TRAPPC9: variants seen among roughly 807,000 people sequenced by gnomAD.
TRAPPC9 encodes trafficking protein particle complex subunit 9.
Under a neutral mutation model 124.0 loss-of-function variants are expected in TRAPPC9, and 83 were observed. That is an observed-to-expected ratio of 0.67 (90% CI 0.56 to 0.80). The LOEUF (loss-of-function observed/expected upper bound fraction) is 0.80. TRAPPC9 is among the 30% of genes least tolerant of loss of function. The pLI is 0.00. For synonymous variants in TRAPPC9, 638 were observed against 617.5 expected (o/e 1.03, Z -0.49); for missense variants, 1,302 against 1,508.3 (o/e 0.86, Z 2.27).
intron 20 of TRAPPC9, among the ~76,000 whole-genome samples, chr8:139,909,250 G>C (rs571108100): frequency 3.3e-4 from 50 of 152,282 alleles, no homozygotes; most frequent in African/African-American, 1.1e-3. Flanking sequence ...CCGGAGATGG[G>C]CTCTCATGCC....
intron 17 of TRAPPC9, among the ~76,000 whole-genome samples, chr8:140,078,159 T>C (rs1843617461): frequency 6.6e-6 from 1 of 152,222 alleles, no homozygotes; most frequent in African/African-American, 2.4e-5. Flanking sequence ...AAACCATCTC[T>C]TCATGCTTTT....
At chr8:139,999,293 C>T (rs572838938) in intron 18 of TRAPPC9, among the ~76,000 whole-genome samples, 95 of 151,914 alleles carry the variant, frequency 6.3e-4, no homozygotes, top group Non-Finnish European at 9.3e-4. Flanking sequence ...CAAGAAAACA[C>T]GATTCAAAAG....
In TRAPPC9 at chr8:140,441,856, T is replaced by A. The variant is rs553603252; in HGVS notation, c.585-2659A>T. ...CTAGATTTATAGGAGTCAGCCACTGTGCCCAGCCTACAAAAAAAATTGTTT... is the reference window on the plus strand; with the variant it reads ...CTAGATTTATAGGAGTCAGCCACTGAGCCCAGCCTACAAAAAAAATTGTTT... On this transcript the variant is annotated intron_variant, in intron 2 of 22. Coordinates refer to ENST00000438773, the MANE Select transcript of TRAPPC9 (RefSeq NM_001160372.4). Among the ~76,000 whole-genome samples the A allele has an allele frequency of 4.6e-4, 70 of 152,310 alleles. 2 individuals carry two copies. Among genetic ancestry groups the A allele is most frequent in the South Asian group, 1.9e-3 (9 of 4,824 alleles).
At chr8:139,874,649 G>A (rs1158929944) in intron 21 of TRAPPC9, among the ~76,000 whole-genome samples, 1 of 152,222 alleles carries the variant, frequency 6.6e-6, no homozygotes, top group African/African-American at 2.4e-5. Context: ...CTGCAGCTGA[G>A]GAAGCCTGGA....
At chr8:140,259,017 C>T (rs554803417) in intron 15 of TRAPPC9, among the ~76,000 whole-genome samples, 13 of 152,360 alleles carry the variant, frequency 8.5e-5, no homozygotes, top group African/African-American at 2.6e-4. Context: ...CCTGTGGCAG[C>T]TCAGCCCACC....
intron 10 of TRAPPC9, 92 bp from the exon 11 acceptor site, chr8:140,300,706 G>C (rs1337978104): frequency 1.1e-4 from 172 of 1,505,638 alleles, no homozygotes; most frequent in Middle Eastern, 1.7e-4. Context: ...CAGAAAAACA[G>C]TAAATCAGTC....
chr8:140,194,189 C>T (rs529822980), intron 17 of TRAPPC9, among the ~76,000 whole-genome samples: 33 of 152,232 alleles, frequency 2.2e-4, no homozygotes, highest in Non-Finnish European at 2.9e-4. Flanking sequence ...ATCTTTTCCG[C>T]CTCTACATTC....
intron 16 of TRAPPC9, among the ~76,000 whole-genome samples, chr8:140,244,548 C>T (rs1247355175): frequency 6.6e-6 from 1 of 152,146 alleles, no homozygotes; most frequent in Non-Finnish European, 1.5e-5. Flanking sequence ...CGTCAAGAAA[C>T]GGCAACCCAA....
chr8:140,129,355 C>T (rs2061161475), intron 17 of TRAPPC9, among the ~76,000 whole-genome samples: 1 of 152,040 alleles, frequency 6.6e-6, no homozygotes. Flanking sequence ...AGTGGACATC[C>T]GTGTGTGAGA....
Position 140,004,835 on chromosome 8 carries a change from GT to G in TRAPPC9, c.2700-16000del, listed in dbSNP as rs555918055. On this transcript the variant is annotated intron_variant, in intron 18 of 22. Coordinates refer to ENST00000438773, the MANE Select transcript of TRAPPC9 (RefSeq NM_001160372.4). ...GGCCTCCCAGGGTCTAGACACCAAT[GT>G]TTGCTCATTCCCAGGAGTGTACTAA... 2.2e-4 allele frequency among the ~76,000 whole-genome samples: 33 copies of G among 152,304 alleles called. No individual in the cohort carries two copies. The South Asian group carries it at 4.6e-3, about 21-fold the overall frequency.
intron 17 of TRAPPC9, among the ~76,000 whole-genome samples, chr8:140,026,350 CG>C (rs1840148825): frequency 6.6e-6 from 1 of 152,090 alleles, no homozygotes; most frequent in Non-Finnish European, 1.5e-5. Context: ...GGTATATGCC[CG>C]GAAGTGGAAT....
intron 17 of TRAPPC9, among the ~76,000 whole-genome samples, chr8:140,191,494 G>T (rs941721188): frequency 6.6e-6 from 1 of 152,144 alleles, no homozygotes; most frequent in Non-Finnish European, 1.5e-5. Flanking sequence ...GTGAGTTCAC[G>T]TGAGATCTAG....
intron 21 of TRAPPC9, among the ~76,000 whole-genome samples, chr8:139,736,759 C>G (rs535487613): frequency 1.3e-5 from 2 of 152,208 alleles, no homozygotes; most frequent in Non-Finnish European, 2.9e-5. Context: ...GGGTAGGATT[C>G]GTGACCCCGT....
In TRAPPC9 at chr8:140,328,891, G is replaced by A. The variant is rs568533950; in HGVS notation, c.1496-17517C>T. Among the ~76,000 whole-genome samples, 6 of 152,258 alleles carry A rather than the reference G, an allele frequency of 3.9e-5. No individual in the cohort carries two copies. In the South Asian group the frequency reaches 1.0e-3, roughly 26 times the overall value. On this transcript the variant is annotated intron_variant, in intron 9 of 22. Coordinates refer to ENST00000438773, the MANE Select transcript of TRAPPC9 (RefSeq NM_001160372.4). ...GAGGTAGAGACAAGACTGGCACTGA[G>A]GGTGACGGCTTTGGGGACCGGGTGG...
intron 17 of TRAPPC9, among the ~76,000 whole-genome samples, chr8:140,184,674 C>T (rs2062311458): frequency 6.6e-6 from 1 of 152,190 alleles, no homozygotes; most frequent in Admixed American, 6.5e-5. Context: ...GCCTCGACCT[C>T]CTGACCTCAG....
intron 2 of TRAPPC9, among the ~76,000 whole-genome samples, chr8:140,443,865 C>T (rs1244100515): frequency 6.6e-6 from 1 of 150,912 alleles, no homozygotes; most frequent in Non-Finnish European, 1.5e-5. Flanking sequence ...GGTGAAACCC[C>T]ATCTCTACTA....
intron 21 of TRAPPC9, among the ~76,000 whole-genome samples, chr8:139,837,549 C>T (rs1826440400): frequency 6.6e-6 from 1 of 152,208 alleles, no homozygotes; most frequent in African/African-American, 2.4e-5. Context: ...GCCTTGCCTG[C>T]ACTGCCTCGG....
intron 21 of TRAPPC9, among the ~76,000 whole-genome samples, chr8:139,810,806 G>C (rs2130743001): frequency 6.7e-6 from 1 of 149,270 alleles, no homozygotes; most frequent in Middle Eastern, 3.4e-3. Flanking sequence ...CTCTGGCCAG[G>C]CCAGAGGACA....
chr8:140,383,702 G>C (rs992742505), intron 7 of TRAPPC9, among the ~76,000 whole-genome samples: 3 of 152,220 alleles, frequency 2.0e-5, no homozygotes, highest in Non-Finnish European at 4.4e-5. Flanking sequence ...GTACCTGAAA[G>C]TGACAGGGAG....
Sources: allele counts gnomAD v4.1 joint callset (sites outside exome capture counted in the v4.1 genomes callset), GRCh38; gene constraint gnomAD v4.1.1; transcripts MANE v1.5; gene names NCBI Gene and HGNC (gene_info 2026-07-23, HGNC 2026-07-21).